NAV2: variants seen among roughly 807,000 people sequenced by gnomAD.
The protein encoded by NAV2 is helicase, APC down-regulated 1.
A neutral mutation model predicts 223.2 loss-of-function variants in NAV2; 54 were observed. The observed-to-expected ratio is 0.24, with a 90% CI of 0.19 to 0.30. The LOEUF is 0.30. Ranked by LOEUF, NAV2 falls within the 10% of genes least tolerant of loss-of-function variation. The pLI is 1.00. For missense variants in NAV2, 2,806 were observed against 3,147.5 expected (o/e 0.89, Z 2.60); for synonymous variants, 1,279 against 1,239.3 (o/e 1.03, Z -0.67).
chr11:19,377,361 T>G (rs1848674211), intron 1 of NAV2, among the ~76,000 whole-genome samples: 1 of 152,204 alleles, frequency 6.6e-6, no homozygotes, highest in Non-Finnish European at 1.5e-5. Context: ...GGAAAGCCTT[T>G]GACCATCTTG....
intron 1 of NAV2, among the ~76,000 whole-genome samples, chr11:19,741,044 T>C (rs1209424646): frequency 6.6e-6 from 1 of 152,246 alleles, no homozygotes; most frequent in African/African-American, 2.4e-5. Flanking sequence ...GTTTAGATCC[T>C]GCAATGGCAC....
At chr11:19,444,029 G>C (rs1386394324) in intron 1 of NAV2, among the ~76,000 whole-genome samples, 1 of 152,104 alleles carries the variant, frequency 6.6e-6, no homozygotes, top group African/African-American at 2.4e-5. Context: ...CTGCTTCCCA[G>C]GTTCAAGTGA....
intron 2 of NAV2, among the ~76,000 whole-genome samples, chr11:19,840,438 C>T (rs1365182180): frequency 6.6e-6 from 1 of 152,188 alleles, no homozygotes; most frequent in Non-Finnish European, 1.5e-5. Flanking sequence ...TTATTAGGAT[C>T]ACAGTTATCC....
chr11:19,863,779 G>C (rs1174239591), intron 3 of NAV2, among the ~76,000 whole-genome samples: 1 of 152,106 alleles, frequency 6.6e-6, no homozygotes, highest in Admixed American at 6.5e-5. Context: ...TTAAATGCTG[G>C]TTTCCCTGCG....
intron 1 of NAV2, among the ~76,000 whole-genome samples, chr11:19,629,684 A>G (rs1047620011): frequency 5.9e-5 from 9 of 152,252 alleles, no homozygotes; most frequent in South Asian, 2.1e-4. Context: ...TAGGTCCTAG[A>G]CAGGGACAGG....
chr11:19,870,902 A>G (rs192774168), intron 4 of NAV2, among the ~76,000 whole-genome samples: 308 of 152,270 alleles, frequency 2.0e-3, no homozygotes, highest in Non-Finnish European at 3.7e-3. Context: ...TATGCCATAT[A>G]AAGGTAAAAG....
chr11:19,395,623 G>C (rs1045786856), intron 1 of NAV2, among the ~76,000 whole-genome samples: 6 of 152,178 alleles, frequency 3.9e-5, no homozygotes, highest in African/African-American at 1.4e-4. Context: ...GGAAGCCCTC[G>C]GAGTGGACAG....
intron 1 of NAV2, among the ~76,000 whole-genome samples, chr11:19,616,954 C>T (rs1162606591): frequency 1.3e-5 from 2 of 152,014 alleles, no homozygotes; most frequent in Non-Finnish European, 2.9e-5. Flanking sequence ...AAATTACTTA[C>T]CCTCTGAGCC....
rs781393190 is a variant in NAV2, at chr11:20,114,772, A to G, written c.7141A>G (p.Ser2381Gly). Reference protein sequence around the residue: ...EGSTSKQMPPSDAEGDPLMNM... With the variant: ...EGSTSKQMPPGDAEGDPLMNM... Reference sequence around the variant, plus strand: ...ATCGACAAGCAAGCAGATGCCCCCCAGTGATGCTGAAGGTGACCCGCTGGT... The same window carrying G: ...ATCGACAAGCAAGCAGATGCCCCCCGGTGATGCTGAAGGTGACCCGCTGGT... The change falls in exon 37 of 38, where the codon AGT (serine) becomes GGT (glycine). Residue 2381 changes from serine to glycine, a missense_variant. Transcript: ENST00000349880. The G allele has an allele frequency of 6.2e-7, 1 of 1,613,756 alleles. No homozygotes were observed. Among genetic ancestry groups the G allele is most frequent in the South Asian group, 1.1e-5 (1 of 91,002 alleles).
At chr11:19,719,693 A>G (rs2050604536) in intron 1 of NAV2, among the ~76,000 whole-genome samples, 1 of 152,232 alleles carries the variant, frequency 6.6e-6, no homozygotes, top group Non-Finnish European at 1.5e-5. Flanking sequence ...AGCTGAGTAC[A>G]TGAAAAGACA....
At chr11:19,747,120 A>G (rs2053432292) in intron 1 of NAV2, among the ~76,000 whole-genome samples, 1 of 123,984 alleles carries the variant, frequency 8.1e-6, no homozygotes, top group African/African-American at 2.9e-5. Context: ...TTCAATTCCC[A>G]CCTATGAGTG....
At chr11:19,350,873 T>A in exon 1 of NAV2, 1 of 1,408,624 alleles carries the variant, frequency 7.1e-7, no homozygotes, top group East Asian at 2.5e-5. Context: ...GTTGCATGCA[T>A]CACTTTTGTG....
In NAV2 at chr11:19,934,105, G is replaced by A. The variant is rs2045628576; in HGVS notation, c.1861G>A (p.Gly621Arg). 2.5e-6 allele frequency: 4 copies of A among 1,613,666 alleles called. No homozygotes were observed. Among genetic ancestry groups the A allele is most frequent in the Non-Finnish European group, 3.4e-6 (4 of 1,179,880 alleles). The change falls in exon 7 of 38, where the codon GGA becomes AGA. Residue 621 changes from glycine to arginine, a missense_variant. This residue lies in a region of NAV2 where 1,167 missense variants were observed against 1,180.5 expected (regional missense o/e 0.99). Transcript: ENST00000349880. The part of the protein sequence containing the change: ...SSSSSLASSE[G>R]KGPGGTTLNH... The stretch of plus-strand genomic sequence containing the variant: ...CTCTTCCAGCCTGGCGTCCTCAGAA[G>A]GAAAAGGCCCAGGAGGGACCACCCT...
chr11:19,593,532 G>C (rs960405329), intron 1 of NAV2, among the ~76,000 whole-genome samples: 1 of 152,150 alleles, frequency 6.6e-6, no homozygotes, highest in Admixed American at 6.5e-5. Context: ...TCAAATATAA[G>C]TCTTCATCTC....
chr11:19,745,567 G>A (rs1288825580), intron 1 of NAV2, among the ~76,000 whole-genome samples: 9 of 152,106 alleles, frequency 5.9e-5, no homozygotes, highest in East Asian at 3.9e-4. Flanking sequence ...GGGGGTAGCC[G>A]GCTATCACAG....
chr11:19,851,306 G>GA (rs980776539), intron 3 of NAV2, among the ~76,000 whole-genome samples: 4 of 151,670 alleles, frequency 2.6e-5, no homozygotes, highest in East Asian at 1.9e-4. Context: ...GATTAAAGAA[G>GA]AAAAAAAAGA....
chr11:19,831,102 A>G (rs1349405483), intron 1 of NAV2, among the ~76,000 whole-genome samples: 3 of 151,098 alleles, frequency 2.0e-5, no homozygotes, highest in Non-Finnish European at 2.9e-5. Flanking sequence ...GCTCCACCTC[A>G]TCACTTCCTG....
intron 1 of NAV2, among the ~76,000 whole-genome samples, chr11:19,593,733 G>C (rs1268761180): frequency 8.2e-6 from 1 of 121,484 alleles, no homozygotes; most frequent in African/African-American, 3.1e-5. Context: ...AATTTTATCT[G>C]CTCTAAAAGG....
At chr11:19,886,378 A>G (rs1002361654) in intron 5 of NAV2, among the ~76,000 whole-genome samples, 2 of 152,158 alleles carry the variant, frequency 1.3e-5, no homozygotes, top group Non-Finnish European at 2.9e-5. Context: ...GTGCTTCTCC[A>G]TAGAGCAAGT....
Sources: allele counts gnomAD v4.1 joint callset (sites outside exome capture counted in the v4.1 genomes callset), GRCh38; gene constraint gnomAD v4.1.1; regional missense constraint gnomAD v4.1.1; transcripts MANE v1.5; gene names NCBI Gene and HGNC (gene_info 2026-07-23, HGNC 2026-07-21).